Variants in SVIL observed in about 807,000 individuals in gnomAD.
SVIL encodes supervillin.
In SVIL, 101 loss-of-function variants were observed where a neutral mutation model predicts 240.4. The ratio of observed to expected loss-of-function variants is 0.42; its 90% CI spans 0.36 to 0.50. The LOEUF is 0.50. SVIL is among the 20% of genes least tolerant of loss of function. The pLI is 0.01. For missense variants in SVIL, 2,512 were observed against 2,818.7 expected, an observed-to-expected ratio of 0.89 and a Z score of 2.46; for synonymous variants, 999 against 1,100.0, an observed-to-expected ratio of 0.91 and a Z score of 1.82.
At chr10:29,606,224 C>T (rs12266416) in intron 1 of SVIL, among the ~76,000 whole-genome samples, 50,215 of 151,518 alleles carry the variant, frequency 0.33, 8,635 homozygotes, top group South Asian at 0.38. Flanking sequence ...TTAAAAATTT[C>T]TGTAGAGATG....
At chr10:29,613,151 GGTGAC>G (rs1957308170) in intron 1 of SVIL, among the ~76,000 whole-genome samples, 1 of 149,748 alleles carries the variant, frequency 6.7e-6, no homozygotes, top group Non-Finnish European at 1.5e-5. Flanking sequence ...CCTCCAGCCT[GGTGAC>G]AGAGAGACTC....
At chr10:29,671,623 G>A (rs539921133) in intron 2 of SVIL, among the ~76,000 whole-genome samples, 6 of 152,280 alleles carry the variant, frequency 3.9e-5, no homozygotes, top group Admixed American at 6.5e-5. Flanking sequence ...CTGTTTCTGC[G>A]TCTTTCCAGA....
At chr10:29,521,219 T>A (rs1950542188) in intron 16 of SVIL, among the ~76,000 whole-genome samples, 1 of 127,698 alleles carries the variant, frequency 7.8e-6, no homozygotes. Flanking sequence ...CAAGACTTAG[T>A]CTCAAAAAGA....
At chr10:29,576,840 C>A (rs1955716909) in intron 1 of SVIL, among the ~76,000 whole-genome samples, 1 of 152,186 alleles carries the variant, frequency 6.6e-6, no homozygotes, top group South Asian at 2.1e-4. Context: ...GCCACCGCTC[C>A]CTGCTAGTAG....
At chr10:29,584,547 GC>G (rs1012290200) in intron 1 of SVIL, among the ~76,000 whole-genome samples, 1 of 152,180 alleles carries the variant, frequency 6.6e-6, no homozygotes, top group Non-Finnish European at 1.5e-5. Flanking sequence ...CCTTTTGAAA[GC>G]GGTTGTGGTT....
chr10:29,474,805 A>G (rs142092560), intron 29 of SVIL, among the ~76,000 whole-genome samples: 364 of 152,336 alleles, frequency 2.4e-3, no homozygotes, highest in Admixed American at 4.3e-3. Flanking sequence ...GCAGGCTGTT[A>G]AAACTATTCT....
intron 1 of SVIL, among the ~76,000 whole-genome samples, chr10:29,718,398 T>C (rs1284868029): frequency 6.6e-6 from 1 of 152,156 alleles, no homozygotes; most frequent in African/African-American, 2.4e-5. Flanking sequence ...AAATTACATA[T>C]GTGGTTTACA....
chr10:29,518,653 C>T (rs187646341), intron 16 of SVIL, among the ~76,000 whole-genome samples: 3 of 152,226 alleles, frequency 2.0e-5, no homozygotes, highest in Non-Finnish European at 4.4e-5. Context: ...GTCAGGCATT[C>T]GACACCAGCG....
Position 29,520,978 on chromosome 10 carries a change from C to T in SVIL, c.3389+1432G>A, listed in dbSNP as rs533843177. 1.3e-4 allele frequency among the ~76,000 whole-genome samples: 20 copies of T among 149,838 alleles called. No individual in the cohort carries two copies. The South Asian group carries it at 2.1e-3, about 16-fold the overall frequency. ...GTGGCTCACGCCTGTAATCCCAGCACTTTGGGAGGCCGAGGCAGGCGGATC... is the reference window on the plus strand; with the variant it reads ...GTGGCTCACGCCTGTAATCCCAGCATTTTGGGAGGCCGAGGCAGGCGGATC... On this transcript the variant is annotated intron_variant, in intron 16 of 37. Transcript: ENST00000355867.
At chr10:29,626,897 G>A (rs1055128869) in intron 1 of SVIL, among the ~76,000 whole-genome samples, 1 of 152,050 alleles carries the variant, frequency 6.6e-6, no homozygotes, top group Non-Finnish European at 1.5e-5. Context: ...GGTGGCGGGC[G>A]CCTGTAGTTC....
chr10:29,557,286 C>T (rs531335653), intron 3 of SVIL, among the ~76,000 whole-genome samples: 79 of 151,950 alleles, frequency 5.2e-4, no homozygotes, highest in African/African-American at 1.8e-3. Flanking sequence ...TTTGTGGAGA[C>T]GGGGTTTCGC....
Position 29,533,345 on chromosome 10 carries a change from G to T in SVIL, c.1022C>A (p.Ser341Ter). 1.2e-6 allele frequency: 2 copies of T among 1,614,120 alleles called. No individual in the cohort carries two copies. Among genetic ancestry groups the T allele is most frequent in the Non-Finnish European group, 1.7e-6 (2 of 1,180,020 alleles). The change falls in exon 8 of 38, where the codon TCA becomes TAA. Residue 341 changes from serine (S) to a stop codon, truncating the protein, a stop_gained. Coordinates refer to ENST00000355867, the MANE Select transcript of SVIL (RefSeq NM_021738.3). LOFTEE classifies it high-confidence loss of function. ...RHQPAPVHYV[S>*]FQSEHSAFDR... ...AAAGGCTGAGTGCTCAGACTGAAAT[G>T]ACACGTAATGGACTGGCGCTGGCTG...
rs112517599 is a variant in SVIL, at chr10:29,481,946, T to C, written c.4956-218A>G. Among the ~76,000 whole-genome samples, 685 of 152,278 alleles carry C rather than the reference T, an allele frequency of 4.5e-3. 3 individuals carry two copies. Among genetic ancestry groups the C allele is most frequent in the African/African-American group, 0.016 (649 of 41,558 alleles). ...TGCAAAGCTTTGTGTCCATGGAGTT[T>C]TTGATGTGCCTGAATGTGACATGAA... On this transcript the variant is annotated intron_variant, in intron 27 of 37. Coordinates refer to ENST00000355867, the MANE Select transcript of SVIL (RefSeq NM_021738.3).
chr10:29,597,041 C>T (rs1283447757), intron 1 of SVIL, among the ~76,000 whole-genome samples: 2 of 152,194 alleles, frequency 1.3e-5, no homozygotes, highest in African/African-American at 4.8e-5. Flanking sequence ...CAGCAACTAT[C>T]GCATTGCCTC....
intron 30 of SVIL, among the ~76,000 whole-genome samples, chr10:29,472,933 G>T (rs1346237847): frequency 6.6e-6 from 1 of 152,198 alleles, no homozygotes; most frequent in Non-Finnish European, 1.5e-5. Context: ...GATAGAATGG[G>T]TGCGGGGGGC....
chr10:29,669,176 T>C (rs1959569174), intron 2 of SVIL, among the ~76,000 whole-genome samples: 4 of 152,178 alleles, frequency 2.6e-5, no homozygotes, highest in African/African-American at 9.7e-5. Context: ...TCTGTGTCTC[T>C]GAGGAGCTAC....
At chr10:29,537,702 A>T (rs1270272101) in intron 6 of SVIL, among the ~76,000 whole-genome samples, 1 of 152,260 alleles carries the variant, frequency 6.6e-6, no homozygotes, top group Non-Finnish European at 1.5e-5. Flanking sequence ...TAATCAACTT[A>T]ATTTTCTAAA....
intron 1 of SVIL, among the ~76,000 whole-genome samples, chr10:29,615,013 G>A (rs1229227076): frequency 6.6e-6 from 1 of 151,956 alleles, no homozygotes; most frequent in Admixed American, 6.6e-5. Flanking sequence ...AGGAAATTGA[G>A]GCAGAAGTTA....
chr10:29,695,447 A>T (rs1274488710), intron 1 of SVIL, among the ~76,000 whole-genome samples: 3 of 152,136 alleles, frequency 2.0e-5, no homozygotes, highest in Non-Finnish European at 4.4e-5. Flanking sequence ...TTGAAATTTT[A>T]AAAAATTTAA....
Sources: allele counts gnomAD v4.1 joint callset (sites outside exome capture counted in the v4.1 genomes callset), GRCh38; gene constraint gnomAD v4.1.1; transcripts MANE v1.5; gene names NCBI Gene and HGNC (gene_info 2026-07-23, HGNC 2026-07-21).